The following IRX4 variants were observed in gnomAD, a reference collection of about 807,000 sequenced individuals.
IRX4 encodes the protein iroquois-class homeodomain protein IRX-4.
IRX4 carries 22 observed loss-of-function variants against 32.0 expected under a neutral mutation model. The observed-to-expected ratio is 0.69, with a 90% CI of 0.49 to 0.98. IRX4 has a LOEUF of 0.98. Among genes scored for constraint, IRX4 ranks in the 50% least tolerant of loss-of-function variants. The probability of loss-of-function intolerance (pLI) is 0.00; values close to 1 mark genes in which losing one functional copy is unlikely to be tolerated. For missense variants in IRX4, 840 were observed against 744.2 expected, an observed-to-expected ratio of 1.13 and a Z score of -1.50; for synonymous variants, 379 against 351.7, an observed-to-expected ratio of 1.08 and a Z score of -0.87.
chr5:1,882,557 C>T (rs1379863668), intron 1 of IRX4, 46 bp downstream of exon 1: 2 of 1,479,312 alleles, frequency 1.4e-6, no homozygotes, highest in Non-Finnish European at 1.8e-6. Context: ...CCCCATCCGC[C>T]CTACCGGCAC....
chr5:1,879,444 G>A, intron 4 of IRX4, 60 bp downstream of exon 4: 1 of 1,611,136 alleles, frequency 6.2e-7, no homozygotes, highest in Non-Finnish European at 8.5e-7. Flanking sequence ...TAGAACCGCA[G>A]AGAAGGCACT....
chr5:1,880,229 G>C, intron 3 of IRX4: 1 of 1,098,296 alleles, frequency 9.1e-7, no homozygotes, highest in Non-Finnish European at 1.3e-6. Flanking sequence ...TGCCCAGGAG[G>C]AGAAAGCACC....
Position 1,879,078 on chromosome 5 carries a change from G to A in IRX4, c.737-286C>T, listed in dbSNP as rs540316750. On this transcript the variant is annotated intron_variant, in intron 4 of 4. Transcript: ENST00000231357. Reference sequence around the variant, plus strand: ...GCGATCTCAGCTCACTGCAAACTCCGCCTCCAGGGTTCAGGGCATTCTCCT... The same window carrying A: ...GCGATCTCAGCTCACTGCAAACTCCACCTCCAGGGTTCAGGGCATTCTCCT... 2.0e-5 allele frequency among the ~76,000 whole-genome samples: 3 copies of A among 151,472 alleles called. No homozygotes were observed. In the South Asian group the frequency reaches 6.2e-4, roughly 32 times the overall value.
chr5:1,880,617 C>T, intron 3 of IRX4, 108 bp downstream of exon 3: 1 of 770,380 alleles, frequency 1.3e-6, no homozygotes. Context: ...TGTCTCTCTT[C>T]CTGCCTCCCG....
At position 1,879,679 on chromosome 5, in the gene IRX4, T is replaced by C. The variant is rs758065130; in HGVS notation, c.561A>G (p.Thr187=). 4 of 1,614,040 alleles carry C rather than the reference T, an allele frequency of 2.5e-6. No individual in the cohort carries two copies. In the East Asian group the frequency reaches 6.7e-5, roughly 27 times the overall value. The change falls in exon 4 of 5, where the codon ACA becomes ACG. Residue 187 remains threonine (T), a synonymous_variant. Coordinates refer to ENST00000231357, the MANE Select transcript of IRX4 (RefSeq NM_016358.3). ...CGTTGGCGAACCAGGTGGAGACCTG[T>C]GTGAGGGTCATCTTGGTGATGATGG... ...MLAIITKMTL[T]QVSTWFANAR...
intron 4 of IRX4, among the ~76,000 whole-genome samples, 171 bp from the exon 5 acceptor site, chr5:1,878,963 CAG>C (rs1735323303): frequency 6.6e-6 from 1 of 151,894 alleles, no homozygotes; most frequent in Non-Finnish European, 1.5e-5. Context: ...ACTGGCAACA[CAG>C]GGGCCTCCAA....
In IRX4 at chr5:1,879,666, A is replaced by T; in HGVS notation, c.574T>A (p.Trp192Arg). 6.2e-7 allele frequency: 1 copy of T among 1,614,210 alleles called. No homozygotes were observed. ...TKMTLTQVST[W>R]FANARRRLKK... The stretch of plus-strand genomic sequence containing the variant: ...AGGCGCCGGCGCGCGTTGGCGAACC[A>T]GGTGGAGACCTGTGTGAGGGTCATC... Residue 192 changes from tryptophan (W) to arginine (R), a missense_variant, in exon 4 of 5, where the codon TGG (tryptophan) becomes AGG (arginine). Physicochemically the swap from Trp to Arg is moderately radical, Grantham distance 101. This residue lies in a region of IRX4 where 585 missense variants were observed against 488.0 expected (regional missense o/e 1.20). Transcript: ENST00000231357.
In IRX4 at chr5:1,882,822, G is replaced by A. The variant is rs1561139571; in HGVS notation, c.-175C>T. The A allele has an allele frequency of 7.3e-6, 3 of 411,712 alleles. 1 individual carries two copies. The highest frequency in any genetic ancestry group is 1.3e-5 in the Non-Finnish European group (3 of 229,834). The allele number at this position is 411,712 out of a possible 1,614,324, so 25.5% of individuals were successfully genotyped here. On this transcript the variant is annotated 5_prime_UTR_variant, in exon 1 of 5. Coordinates refer to ENST00000231357, the MANE Select transcript of IRX4 (RefSeq NM_016358.3). ...AACTTTTCTAACCGGGTAACAAAGTGAGCAGCGGTGGCCGCCGCGATTCCT... is the reference window on the plus strand; with the variant it reads ...AACTTTTCTAACCGGGTAACAAAGTAAGCAGCGGTGGCCGCCGCGATTCCT...
In IRX4 at chr5:1,878,293, C is replaced by T. The variant is rs1485494364; in HGVS notation, c.1236G>A (p.Thr412=). The change falls in exon 5 of 5, where the codon ACG becomes ACA. Residue 412 remains threonine (T), a synonymous_variant. Coordinates refer to ENST00000231357, the MANE Select transcript of IRX4 (RefSeq NM_016358.3). ...APAAVSSAPA[T]SPSVALPHSG... The stretch of plus-strand genomic sequence containing the variant: ...AGTGGGGAAGGGCCACAGACGGGGA[C>T]GTGGCGGGCGCGGAGGACACAGCCG... The T allele has an allele frequency of 3.1e-6, 5 of 1,587,546 alleles. No individual in the cohort carries two copies. The highest frequency in any genetic ancestry group is 4.6e-5 in the East Asian group (2 of 43,728).
Position 1,879,598 on chromosome 5 carries a change from G to A in IRX4, c.642C>T (p.Cys214=). The A allele has an allele frequency of 6.2e-7, 1 of 1,613,968 alleles. No individual in the cohort carries two copies. Among genetic ancestry groups the A allele is most frequent in the Non-Finnish European group, 8.5e-7 (1 of 1,180,034 alleles). The change falls in exon 4 of 5, where the codon TGC becomes TGT. Residue 214 remains cysteine, a synonymous_variant. Transcript: ENST00000231357. The part of the protein sequence containing the change: ...NKMTWPPRNK[C]ADEKRPYAEG... ...CCGCGTAGGGCCGCTTCTCGTCTGC[G>A]CACTTGTTCCGCGGCGGCCACGTCA...
chr5:1,880,169 G>A, intron 3 of IRX4: 2 of 1,522,804 alleles, frequency 1.3e-6, no homozygotes, highest in Non-Finnish European at 1.8e-6. Context: ...GGTATAGACA[G>A]GTAAGCCCAC....
chr5:1,878,499 G>A lies in IRX4; in HGVS notation c.1030C>T (p.Pro344Ser). ...CCCAGCTTGGCCTCGCAGACCTGAGGGCCGCCCTCTGCGCCCGGCAGTGGC... is the reference window on the plus strand; with the variant it reads ...CCCAGCTTGGCCTCGCAGACCTGAGAGCCGCCCTCTGCGCCCGGCAGTGGC... ...PEPLPGAEGG[P>S]QVCEAKLGFV... Residue 344 changes from proline (P) to serine (S), a missense_variant, in exon 5 of 5, where the codon CCT becomes TCT. Pro to Ser is a moderately conservative substitution (Grantham distance 74). Coordinates refer to ENST00000231357, the MANE Select transcript of IRX4 (RefSeq NM_016358.3). 7.0e-7 allele frequency: 1 copy of A among 1,436,600 alleles called. No individual in the cohort carries two copies. The highest frequency in any genetic ancestry group is 9.1e-7 in the Non-Finnish European group (1 of 1,103,324). 89.0% of individuals were successfully genotyped at this position (1,436,600 alleles called of 1,614,324 possible).
Position 1,879,439 on chromosome 5 carries a change from C to T in IRX4, c.736+65G>A, listed in dbSNP as rs945461545. 9.9e-6 allele frequency: 16 copies of T among 1,609,944 alleles called. No individual in the cohort carries two copies. In the African/African-American group the frequency reaches 2.1e-4, roughly 21 times the overall value. On this transcript the variant is annotated intron_variant, in intron 4 of 4. Coordinates refer to ENST00000231357, the MANE Select transcript of IRX4 (RefSeq NM_016358.3). ...TTGGGACCCCCAAGACGTCCTAGAA[C>T]CGCAGAGAAGGCACTGTGCCTGCAC...
intron 2 of IRX4, chr5:1,881,124 G>A: frequency 2.2e-6 from 1 of 464,154 alleles, no homozygotes; most frequent in South Asian, 2.2e-5. Context: ...GAGGAAGTTG[G>A]AGGGAAGCCA....
At position 1,880,713 on chromosome 5, in the gene IRX4, G is replaced by C; in HGVS notation, c.407+12C>G. On this transcript the variant is annotated intron_variant, in intron 3 of 4. Transcript: ENST00000231357. ...GTGGGGCTAGTGCTGGTTAGGAGGG[G>C]TGGGTCCTCACCTGTCATAGGGGTA... 6.3e-7 allele frequency: 1 copy of C among 1,580,236 alleles called. No homozygotes were observed. The highest frequency in any genetic ancestry group is 8.7e-7 in the Non-Finnish European group (1 of 1,149,354).
rs193190789 is a variant in IRX4, at chr5:1,878,452, C to T, written c.1077G>A (p.Ser359=). ...AKLGFVPAGA[S]AGLEAKPRIW... is the part of the protein sequence containing the mutation. ...TGCGCGGCTTAGCCTCCAGGCCTGC[C>T]GACGCCCCCGCCGGCACAAACCCCA... Residue 359 remains serine, a synonymous_variant, in exon 5 of 5, where the codon TCG becomes TCA. Coordinates refer to ENST00000231357, the MANE Select transcript of IRX4 (RefSeq NM_016358.3). 4,777 of 1,458,544 alleles carry T rather than the reference C, an allele frequency of 3.3e-3. 139 individuals are homozygous for T. In the African/African-American group the frequency reaches 0.058, roughly 18 times the overall value. 90.4% of individuals were successfully genotyped at this position (1,458,544 alleles called of 1,614,324 possible). A position where few individuals can be genotyped will look rare whatever the true frequency, so the allele number is the denominator to read the frequency against.
upstream of IRX4, among the ~76,000 whole-genome samples, chr5:1,883,775 T>G: frequency 6.6e-6 from 1 of 151,900 alleles, no homozygotes; most frequent in East Asian, 1.9e-4. Flanking sequence ...CCGCCGGCCG[T>G]GCTCCGCCGG....
chr5:1,880,077 G>A, intron 3 of IRX4: 1 of 1,535,084 alleles, frequency 6.5e-7, no homozygotes, highest in Non-Finnish European at 8.7e-7. Context: ...GGGAGCCTGG[G>A]CTCCTTCCCA....
chr5:1,886,412 G>A (rs1735632315), upstream of IRX4, among the ~76,000 whole-genome samples: 2 of 152,236 alleles, frequency 1.3e-5, no homozygotes, highest in African/African-American at 4.8e-5. Context: ...CGGGACACCC[G>A]GCTGGGGTGT....
Sources: allele counts gnomAD v4.1 joint callset (sites outside exome capture counted in the v4.1 genomes callset), GRCh38; gene constraint gnomAD v4.1.1; regional missense constraint gnomAD v4.1.1; transcripts MANE v1.5; gene names NCBI Gene and HGNC (gene_info 2026-07-23, HGNC 2026-07-21).